SRD5A2: variants seen among roughly 807,000 people sequenced by gnomAD.
SRD5A2 encodes the protein steroid 5 alpha-reductase 2, also known as 3-oxo-5-alpha-steroid 4-dehydrogenase 2.
SRD5A2 carries 30 observed loss-of-function variants against 27.4 expected under a neutral mutation model. The observed-to-expected ratio is 1.10, with a 90% confidence interval of 0.82 to 1.49. The LOEUF is 1.49. Ranked by LOEUF, SRD5A2 falls within the 40% of genes most tolerant of loss-of-function variation. The pLI is 0.00. For missense variants in SRD5A2, 348 were observed against 323.4 expected, an observed-to-expected ratio of 1.08 and a Z score of -0.58; for synonymous variants, 141 against 133.6, an observed-to-expected ratio of 1.06 and a Z score of -0.38.
chr2:31,600,651 C>A, the SRD5A2 span, among the ~76,000 whole-genome samples: 12 of 151,674 alleles, frequency 7.9e-5, no homozygotes, highest in African/African-American at 1.5e-4. Flanking sequence ...ACAACTAATA[C>A]CAGTCCTACT....
At chr2:31,583,651 C>CAAAAAAAAAAAAAAAAAAAAA (rs1558379512), upstream of SRD5A2, among the ~76,000 whole-genome samples, 4 of 66,514 alleles carry the variant, frequency 6.0e-5, no homozygotes, top group African/African-American at 1.9e-4. Context: ...AAAAAAAAAA[C>CAAAAAAAAAAAAAAAAAAAAA]CAAAAAAAAA....
chr2:31,565,650 C>T lies in SRD5A2; in HGVS notation c.281+14970G>A, dbSNP rs142048276. Among the ~76,000 whole-genome samples, 280 of 151,932 alleles carry T rather than the reference C, an allele frequency of 1.8e-3. 1 individual carries two copies. The highest frequency in any genetic ancestry group is 3.5e-3 in the Admixed American group (54 of 15,284). On this transcript the variant is annotated intron_variant, in intron 1 of 4. Transcript: ENST00000622030. Reference sequence around the variant, plus strand: ...CATCACGATAAAAGCATCAATTCATCAAGAGGACATACCAGTTCTGTCTCT... The same window carrying T: ...CATCACGATAAAAGCATCAATTCATTAAGAGGACATACCAGTTCTGTCTCT...
chr2:31,567,179 A>C (rs1183376585), intron 1 of SRD5A2, among the ~76,000 whole-genome samples: 1 of 152,118 alleles, frequency 6.6e-6, no homozygotes, highest in Non-Finnish European at 1.5e-5. Context: ...CTTTGTGTAG[A>C]CTGATTTCTT....
intron 1 of SRD5A2, among the ~76,000 whole-genome samples, chr2:31,553,096 C>T (rs937218329): frequency 6.6e-6 from 1 of 152,098 alleles, no homozygotes; most frequent in Non-Finnish European, 1.5e-5. Flanking sequence ...AAGAACCAGA[C>T]AAATTCTGCA....
chr2:31,565,526 A>C (rs769553842), intron 1 of SRD5A2, among the ~76,000 whole-genome samples: 1 of 151,998 alleles, frequency 6.6e-6, no homozygotes, highest in Non-Finnish European at 1.5e-5. Flanking sequence ...TACATATACC[A>C]TGTTAACCCT....
At position 31,533,776 on chromosome 2, in the gene SRD5A2, A is replaced by C; in HGVS notation, c.282-10T>G. 1.3e-6 allele frequency: 2 copies of C among 1,599,144 alleles called. No homozygotes were observed. Among genetic ancestry groups the C allele is most frequent in the Non-Finnish European group, 1.7e-6 (2 of 1,172,866 alleles). On this transcript the variant is annotated splice_polypyrimidine_tract_variant and intron_variant, in intron 1 of 4. Transcript: ENST00000622030. ...TGAGTACACAAATGTCCTGGGACAC[A>C]CAGGGAGGAAAGGTTAGGATTCACT...
chr2:31,638,066 G>C, the SRD5A2 span, among the ~76,000 whole-genome samples: 1 of 151,828 alleles, frequency 6.6e-6, no homozygotes, highest in African/African-American at 2.4e-5. Flanking sequence ...AGCATTTATT[G>C]CCATAAACTT....
chr2:31,558,030 A>C (rs1666535156), intron 1 of SRD5A2, among the ~76,000 whole-genome samples: 1 of 152,188 alleles, frequency 6.6e-6, no homozygotes, highest in Non-Finnish European at 1.5e-5. Flanking sequence ...ATACCAATGG[A>C]TTTTAAAGCT....
At chr2:31,553,901 C>A (rs1666435327) in intron 1 of SRD5A2, among the ~76,000 whole-genome samples, 1 of 151,840 alleles carries the variant, frequency 6.6e-6, no homozygotes, top group Admixed American at 6.6e-5. Context: ...GAGGTTTGGA[C>A]AAAGGAATAG....
At chr2:31,645,519 CGTTA>C in the SRD5A2 span, among the ~76,000 whole-genome samples, 2 of 152,036 alleles carry the variant, frequency 1.3e-5, no homozygotes, top group Admixed American at 6.5e-5. Flanking sequence ...ATTTGATTCT[CGTTA>C]GTTCAATTTG....
chr2:31,638,459 T>C, the SRD5A2 span, among the ~76,000 whole-genome samples: 10 of 152,140 alleles, frequency 6.6e-5, no homozygotes, highest in South Asian at 1.9e-3. Flanking sequence ...GTTTAGTATG[T>C]AGTTTAATGT....
the SRD5A2 span, among the ~76,000 whole-genome samples, chr2:31,604,609 G>C: frequency 4.6e-5 from 7 of 151,674 alleles, no homozygotes; most frequent in Non-Finnish European, 7.4e-5. Context: ...AGAAGTGAAA[G>C]ATCTCTACAA....
chr2:31,530,079 C>A (rs957595683), intron 3 of SRD5A2, among the ~76,000 whole-genome samples: 7 of 152,046 alleles, frequency 4.6e-5, no homozygotes, highest in African/African-American at 1.7e-4. Context: ...TCTATCCAAC[C>A]AGGTATTTCT....
chr2:31,661,576 A>T, the SRD5A2 span, among the ~76,000 whole-genome samples: 3 of 152,166 alleles, frequency 2.0e-5, no homozygotes, highest in Admixed American at 2.0e-4. Flanking sequence ...AACACAAGAG[A>T]CTAATGAAGA....
the SRD5A2 span, among the ~76,000 whole-genome samples, chr2:31,655,002 G>A: frequency 1.3e-5 from 2 of 152,198 alleles, no homozygotes; most frequent in Non-Finnish European, 2.9e-5. Context: ...AAGCAGATAT[G>A]AGTCAAATAG....
the SRD5A2 span, among the ~76,000 whole-genome samples, chr2:31,610,623 G>A: frequency 6.6e-6 from 1 of 152,024 alleles, no homozygotes; most frequent in Non-Finnish European, 1.5e-5. Context: ...CATAGTACTG[G>A]AAGTCCTAGC....
chr2:31,594,035 T>C, the SRD5A2 span, among the ~76,000 whole-genome samples: 1 of 152,074 alleles, frequency 6.6e-6, no homozygotes, highest in Admixed American at 6.5e-5. Flanking sequence ...CTAAAAGAAA[T>C]GCTAAAAGAA....
the SRD5A2 span, among the ~76,000 whole-genome samples, chr2:31,604,835 C>T: frequency 3.3e-5 from 5 of 151,624 alleles, no homozygotes; most frequent in African/African-American, 1.2e-4. Context: ...ACAGAAGACC[C>T]AGAATAGCCA....
At chr2:31,581,573 G>A (rs1334901284), upstream of SRD5A2, among the ~76,000 whole-genome samples, 1 of 152,128 alleles carries the variant, frequency 6.6e-6, no homozygotes, top group Admixed American at 6.5e-5. Context: ...ATTCCTCAGC[G>A]GTTTCTCTCT....
Sources: allele counts gnomAD v4.1 joint callset (sites outside exome capture counted in the v4.1 genomes callset), GRCh38; gene constraint gnomAD v4.1.1; transcripts MANE v1.5; gene names NCBI Gene and HGNC (gene_info 2026-07-23, HGNC 2026-07-21).